CCDC60: variants seen among roughly 807,000 people sequenced by gnomAD.
CCDC60 encodes the protein coiled-coil domain containing 60.
In CCDC60, 54 loss-of-function variants were observed where a neutral mutation model predicts 63.5. The observed-to-expected ratio is 0.85, with a 90% CI of 0.68 to 1.07. The LOEUF is 1.07. CCDC60 is among the 50% of genes least tolerant of loss of function. The pLI is 0.00. For synonymous variants in CCDC60, 206 were observed against 238.8 expected, an observed-to-expected ratio of 0.86 and a Z score of 1.27; for missense variants, 651 against 684.3, an observed-to-expected ratio of 0.95 and a Z score of 0.54.
intron 7 of CCDC60, among the ~76,000 whole-genome samples, chr12:119,507,487 CATATATACAT>C (rs1244504353): frequency 2.1e-5 from 3 of 140,518 alleles, no homozygotes; most frequent in Admixed American, 7.3e-5. Context: ...CATATATACA[CATATATACAT>C]ATATACACAC....
chr12:119,349,274 A>C lies in CCDC60; in HGVS notation c.90+14008A>C, dbSNP rs1174653630. ...GGGGGATAGAAAAAACATTGACTGC[A>C]TCTTATAACTGTTCACTTCTGGCTT... On this transcript the variant is annotated intron_variant, in intron 1 of 13. Transcript: ENST00000327554. 2.6e-5 allele frequency among the ~76,000 whole-genome samples: 4 copies of C among 151,566 alleles called. No homozygotes were observed. The East Asian group carries it at 7.7e-4, about 29-fold the overall frequency.
chr12:119,498,971 C>T (rs1211952642), intron 5 of CCDC60, among the ~76,000 whole-genome samples: 2 of 152,210 alleles, frequency 1.3e-5, no homozygotes, highest in African/African-American at 2.4e-5. Flanking sequence ...AGGAACCAAT[C>T]GAAGTTGGCA....
chr12:119,343,059 CT>C (rs1565962935), intron 1 of CCDC60, among the ~76,000 whole-genome samples: 1 of 152,204 alleles, frequency 6.6e-6, no homozygotes, highest in East Asian at 1.9e-4. Context: ...TTAAACCTTT[CT>C]TGGACTGAAT....
intron 6 of CCDC60, among the ~76,000 whole-genome samples, chr12:119,501,760 G>A (rs1363863916): frequency 6.6e-6 from 1 of 152,156 alleles, no homozygotes; most frequent in African/African-American, 2.4e-5. Context: ...ATTGGAGGAG[G>A]GGAGGGGGAG....
chr12:119,391,580 T>C (rs1430264406), intron 1 of CCDC60, among the ~76,000 whole-genome samples: 1 of 152,130 alleles, frequency 6.6e-6, no homozygotes, highest in Non-Finnish European at 1.5e-5. Context: ...CCGGAAAGGG[T>C]TGTTGTGAAT....
chr12:119,339,026 A>C (rs1370798033), intron 1 of CCDC60, among the ~76,000 whole-genome samples: 1 of 152,160 alleles, frequency 6.6e-6, no homozygotes, highest in African/African-American at 2.4e-5. Flanking sequence ...AACTGAGGGA[A>C]TATAAATAAC....
At chr12:119,364,120 G>C (rs1240835614) in intron 1 of CCDC60, among the ~76,000 whole-genome samples, 2 of 152,090 alleles carry the variant, frequency 1.3e-5, no homozygotes. Flanking sequence ...TTAATTTGGG[G>C]CGGTTTCGAG....
At position 119,472,164 on chromosome 12, in the gene CCDC60, G is replaced by T. The variant is rs1231874771; in HGVS notation, c.341G>T (p.Ser114Ile). 6.2e-7 allele frequency: 1 copy of T among 1,613,582 alleles called. No individual in the cohort carries two copies. ...ATCCACTATGGGGACACCTTATTGA[G>T]GTAAGTGGATGCAGTAGCTGTGGCA... ...SEIHYGDTLLSTYDDEKLKTL... is the reference protein window; with the variant it reads ...SEIHYGDTLLITYDDEKLKTL... Residue 114 changes from serine (S) to isoleucine (I), a missense_variant and splice_region_variant, in exon 3 of 14, where the codon AGC becomes ATC. Ser to Ile is a moderately radical substitution (Grantham distance 142). Transcript: ENST00000327554.
chr12:119,344,851 TCTCTCACA>T (rs1955572473), intron 1 of CCDC60, among the ~76,000 whole-genome samples: 3 of 107,650 alleles, frequency 2.8e-5, no homozygotes, highest in African/African-American at 7.1e-5. Flanking sequence ...TCTCTCTCTC[TCTCTCACA>T]CACACACACA....
chr12:119,352,702 C>T (rs1422766390), intron 1 of CCDC60, among the ~76,000 whole-genome samples: 4 of 151,998 alleles, frequency 2.6e-5, no homozygotes, highest in African/African-American at 9.7e-5. Flanking sequence ...TTTGGGAGGC[C>T]GAAACAGGTG....
chr12:119,515,619 G>T (rs188336337), intron 7 of CCDC60, among the ~76,000 whole-genome samples: 100 of 152,202 alleles, frequency 6.6e-4, no homozygotes, highest in African/African-American at 2.2e-3. Flanking sequence ...GTGAGCCACT[G>T]CACCCAGCCA....
At chr12:119,346,556 A>T (rs938303919) in intron 1 of CCDC60, among the ~76,000 whole-genome samples, 2 of 152,182 alleles carry the variant, frequency 1.3e-5, no homozygotes, top group African/African-American at 4.8e-5. Flanking sequence ...TTTTTAAAGA[A>T]TATGTTTAAA....
chr12:119,532,578 A>G (rs759691892), intron 13 of CCDC60, among the ~76,000 whole-genome samples: 32 of 151,708 alleles, frequency 2.1e-4, no homozygotes, highest in Admixed American at 7.9e-4. Flanking sequence ...CTAGACCCCC[A>G]TCCCCTGACA....
intron 4 of CCDC60, among the ~76,000 whole-genome samples, chr12:119,481,986 G>GTA (rs796895359): frequency 4.9e-4 from 63 of 127,364 alleles, no homozygotes; most frequent in Admixed American, 9.0e-4. Flanking sequence ...GTATATATAT[G>GTA]TATATATATA....
intron 1 of CCDC60, among the ~76,000 whole-genome samples, chr12:119,421,469 C>T (rs1956811838): frequency 6.6e-6 from 1 of 152,162 alleles, no homozygotes. Flanking sequence ...ACCATGAGTT[C>T]AAATCCAGGC....
chr12:119,536,229 A>T (rs1245888114), intron 13 of CCDC60, among the ~76,000 whole-genome samples: 1 of 152,052 alleles, frequency 6.6e-6, no homozygotes, highest in Middle Eastern at 3.2e-3. Context: ...CAGAGACTAG[A>T]ATTGCAACCC....
intron 1 of CCDC60, among the ~76,000 whole-genome samples, chr12:119,378,950 C>T (rs1439605316): frequency 6.6e-6 from 1 of 152,162 alleles, no homozygotes; most frequent in Non-Finnish European, 1.5e-5. Flanking sequence ...CAATGCTCAG[C>T]CCAGGGCCAA....
At chr12:119,394,645 C>A (rs1956218771) in intron 1 of CCDC60, among the ~76,000 whole-genome samples, 1 of 152,206 alleles carries the variant, frequency 6.6e-6, no homozygotes, top group Admixed American at 6.5e-5. Flanking sequence ...CTGGTCTCCC[C>A]AAGACTGAAT....
At chr12:119,468,987 CTACT>C (rs922312755) in intron 2 of CCDC60, among the ~76,000 whole-genome samples, 1 of 151,402 alleles carries the variant, frequency 6.6e-6, no homozygotes, top group Non-Finnish European at 1.5e-5. Context: ...CCTTTTTTAC[CTACT>C]TAAATAATTT....
Sources: gnomAD v4.1 joint callset for allele counts (sites outside exome capture counted in the v4.1 genomes callset) on GRCh38, gnomAD v4.1.1 for gene constraint, MANE v1.5 for transcripts, NCBI Gene and HGNC (gene_info 2026-07-23, HGNC 2026-07-21) for gene names.